The following HCN1 variants were observed in gnomAD, a reference collection of about 807,000 sequenced individuals.
HCN1 encodes hyperpolarization activated cyclic nucleotide gated potassium channel 1, also known as potassium/sodium hyperpolarization-activated cyclic nucleotide-gated channel 1.
In HCN1, 13 loss-of-function variants were observed where a neutral mutation model predicts 78.9. That is an observed-to-expected ratio of 0.16 (90% CI 0.11 to 0.26). The LOEUF is 0.26. Ranked by LOEUF, HCN1 falls within the 10% of genes least tolerant of loss-of-function variation. HCN1 has a pLI of 1.00. For missense variants in HCN1, 810 were observed against 1,154.3 expected, an observed-to-expected ratio of 0.70 and a Z score of 4.32; for synonymous variants, 552 against 455.5, an observed-to-expected ratio of 1.21 and a Z score of -2.70.
intron 2 of HCN1, among the ~76,000 whole-genome samples, chr5:45,520,636 C>G (rs1236131708): frequency 6.6e-6 from 1 of 151,922 alleles, no homozygotes; most frequent in African/African-American, 2.4e-5. Flanking sequence ...ATTTTATTAA[C>G]TATCCAAAGT....
intron 2 of HCN1, among the ~76,000 whole-genome samples, chr5:45,513,755 G>C (rs1742465090): frequency 6.6e-6 from 1 of 152,132 alleles, no homozygotes; most frequent in Non-Finnish European, 1.5e-5. Context: ...ACCCCTGACT[G>C]TGGAAAAATT....
At chr5:45,374,056 T>TAC (rs1747520108) in intron 4 of HCN1, among the ~76,000 whole-genome samples, 10 of 72,290 alleles carry the variant, frequency 1.4e-4, no homozygotes, top group African/African-American at 4.6e-4. Context: ...TTATATATAT[T>TAC]ATATATATAA....
At chr5:45,613,969 A>G (rs921133270) in intron 2 of HCN1, among the ~76,000 whole-genome samples, 2 of 151,954 alleles carry the variant, frequency 1.3e-5, no homozygotes, top group Non-Finnish European at 1.5e-5. Context: ...TAATAAAATA[A>G]GTCCAGTAAT....
chr5:45,520,261 A>G (rs1276263341), intron 2 of HCN1, among the ~76,000 whole-genome samples: 3 of 151,990 alleles, frequency 2.0e-5, no homozygotes, highest in Non-Finnish European at 4.4e-5. Flanking sequence ...TAGGAAACTC[A>G]TTTTTAATTA....
chr5:45,366,437 A>C lies in HCN1; in HGVS notation c.1231-13191T>G, dbSNP rs191632504. Among the ~76,000 whole-genome samples, 161 of 151,840 alleles carry C rather than the reference A, an allele frequency of 1.1e-3. 2 individuals carry two copies. Among genetic ancestry groups the C allele is most frequent in the Middle Eastern group, 6.8e-3 (2 of 292 alleles). On this transcript the variant is annotated intron_variant, in intron 4 of 7. Coordinates refer to ENST00000303230, the MANE Select transcript of HCN1 (RefSeq NM_021072.4). ...TATGTAAGCCCTGTATATATATGAAAATGCGTTAAAAACAGTAATAGCTTA... is the reference window on the plus strand; with the variant it reads ...TATGTAAGCCCTGTATATATATGAACATGCGTTAAAAACAGTAATAGCTTA...
intron 5 of HCN1, among the ~76,000 whole-genome samples, chr5:45,342,238 C>CTT (rs553095512): frequency 1.9e-3 from 268 of 141,430 alleles, no homozygotes; most frequent in African/African-American, 6.7e-3. Flanking sequence ...TATTTCTTTC[C>CTT]TTTTTTTTTT....
In HCN1 at chr5:45,295,085, C is replaced by A. The variant is rs574601109; in HGVS notation, c.1618+8514G>T. On this transcript the variant is annotated intron_variant, in intron 6 of 7. Transcript: ENST00000303230. ...TCAAAACCATCACTCCTTGAGCACC[C>A]CAACACTCACCACAACCCCAACACT... 5.9e-5 allele frequency among the ~76,000 whole-genome samples: 9 copies of A among 152,072 alleles called. No homozygotes were observed. In the East Asian group the frequency reaches 7.8e-4, roughly 13 times the overall value.
intron 2 of HCN1, among the ~76,000 whole-genome samples, chr5:45,562,411 C>T (rs1180446506): frequency 6.6e-6 from 1 of 152,054 alleles, no homozygotes; most frequent in Non-Finnish European, 1.5e-5. Flanking sequence ...GTGGCTCATT[C>T]CTGTAATCCT....
intron 2 of HCN1, among the ~76,000 whole-genome samples, chr5:45,632,411 G>A (rs1026597335): frequency 6.6e-6 from 1 of 151,960 alleles, no homozygotes; most frequent in African/African-American, 2.4e-5. Context: ...TGAGAAATGT[G>A]ACAAAAGAGG....
At chr5:45,267,037 T>C (rs1030727592) in intron 7 of HCN1, 52 bp downstream of exon 7, 34 of 1,460,568 alleles carry the variant, frequency 2.3e-5, no homozygotes, top group Non-Finnish European at 3.2e-5. Flanking sequence ...TGCAAACCTG[T>C]ATTATGCCAG....
chr5:45,374,780 A>C (rs905658834), intron 4 of HCN1, among the ~76,000 whole-genome samples: 1 of 147,326 alleles, frequency 6.8e-6, no homozygotes, highest in Non-Finnish European at 1.5e-5. Flanking sequence ...ATATATATAT[A>C]TATGTGTGTA....
At chr5:45,566,287 A>G (rs1743705673) in intron 2 of HCN1, among the ~76,000 whole-genome samples, 1 of 152,070 alleles carries the variant, frequency 6.6e-6, no homozygotes, top group Admixed American at 6.6e-5. Context: ...TTAATTTAGG[A>G]AAGGTATTTT....
At chr5:45,428,321 GT>G (rs1470883252) in intron 3 of HCN1, among the ~76,000 whole-genome samples, 1 of 151,978 alleles carries the variant, frequency 6.6e-6, no homozygotes, top group Non-Finnish European at 1.5e-5. Context: ...CAGTTCTCCT[GT>G]TAATGTTAAT....
chr5:45,330,218 A>C (rs1288430844), intron 5 of HCN1, among the ~76,000 whole-genome samples: 1 of 151,298 alleles, frequency 6.6e-6, no homozygotes, highest in African/African-American at 2.4e-5. Context: ...CCAAGATCCA[A>C]ACCATGATGC....
intron 2 of HCN1, among the ~76,000 whole-genome samples, chr5:45,625,200 G>A (rs1745139389): frequency 6.6e-6 from 1 of 152,102 alleles, no homozygotes; most frequent in African/African-American, 2.4e-5. Context: ...CTACTTGGGA[G>A]ACTGAGGTGG....
intron 2 of HCN1, among the ~76,000 whole-genome samples, chr5:45,630,793 T>C (rs772574050): frequency 2.0e-5 from 3 of 152,168 alleles, no homozygotes; most frequent in Non-Finnish European, 2.9e-5. Flanking sequence ...AAAGCTGTGA[T>C]ACATCCTCAA....
intron 2 of HCN1, among the ~76,000 whole-genome samples, chr5:45,547,135 C>T (rs1743246853): frequency 6.6e-6 from 1 of 151,862 alleles, no homozygotes; most frequent in South Asian, 2.1e-4. Context: ...TTATTGCCAA[C>T]TGAGTAAAAT....
chr5:45,503,878 C>T (rs1350565641), intron 2 of HCN1, among the ~76,000 whole-genome samples: 1 of 151,868 alleles, frequency 6.6e-6, no homozygotes, highest in Non-Finnish European at 1.5e-5. Flanking sequence ...CTCCACCTCC[C>T]AGGTTCAGGC....
intron 1 of HCN1, among the ~76,000 whole-genome samples, chr5:45,660,239 A>G (rs1188070003): frequency 8.8e-6 from 1 of 113,740 alleles, no homozygotes; most frequent in Non-Finnish European, 1.7e-5. Context: ...AATACTTTAT[A>G]GACAAGCAAA....
Sources: allele counts gnomAD v4.1 joint callset (sites outside exome capture counted in the v4.1 genomes callset), GRCh38; gene constraint gnomAD v4.1.1; transcripts MANE v1.5; gene names NCBI Gene and HGNC (gene_info 2026-07-23, HGNC 2026-07-21).